Variants in TMEM45A observed in about 807,000 individuals in gnomAD.
The protein encoded by TMEM45A is DNA polymerase-transactivated protein 4.
TMEM45A carries 25 observed loss-of-function variants against 32.0 expected under a neutral mutation model. That is an observed-to-expected ratio of 0.78 (90% CI 0.57 to 1.09). The LOEUF is 1.09. TMEM45A is among the 50% of genes least tolerant of loss of function. The probability of loss-of-function intolerance (pLI) is 0.00; values close to 1 mark genes in which losing one functional copy is unlikely to be tolerated. For synonymous variants in TMEM45A, 122 were observed against 114.8 expected (o/e 1.06, Z -0.40); for missense variants, 302 against 325.0 (o/e 0.93, Z 0.54).
chr3:100,543,983 G>C (rs770519270), intron 1 of TMEM45A, among the ~76,000 whole-genome samples: 1 of 152,072 alleles, frequency 6.6e-6, no homozygotes, highest in Admixed American at 6.6e-5. Flanking sequence ...GATTAAAGGA[G>C]TTAAGATGAA....
chr3:100,527,049 C>G (rs1408294833), intron 1 of TMEM45A, among the ~76,000 whole-genome samples: 1 of 152,016 alleles, frequency 6.6e-6, no homozygotes, highest in Non-Finnish European at 1.5e-5. Context: ...AATATATATG[C>G]TTTTTGGGAC....
At chr3:100,503,313 C>T (rs1052956930) in intron 1 of TMEM45A, among the ~76,000 whole-genome samples, 5 of 152,130 alleles carry the variant, frequency 3.3e-5, no homozygotes, top group Non-Finnish European at 5.9e-5. Flanking sequence ...CTATGTTGGC[C>T]AGACTGGTCT....
At chr3:100,557,880 G>A (rs1706255416) in intron 3 of TMEM45A, among the ~76,000 whole-genome samples, 1 of 152,192 alleles carries the variant, frequency 6.6e-6, no homozygotes, top group African/African-American at 2.4e-5. Context: ...TCCAGAGCAT[G>A]TTGTTATATC....
intron 2 of TMEM45A, among the ~76,000 whole-genome samples, 158 bp from the exon 3 acceptor site, chr3:100,556,602 T>C (rs527295284): frequency 1.7e-3 from 253 of 152,282 alleles, no homozygotes; most frequent in Middle Eastern, 3.4e-3. Context: ...AAAAGAAGCC[T>C]AAAGTGCCAG....
Position 100,568,971 on chromosome 3 carries a change from A to C in TMEM45A, c.734+4A>C, listed in dbSNP as rs878908827. ...TGAATTATGCTTTCATTACCTGGTA[A>C]GTTAGCGATTTCTGTTAATGGAAGT... On this transcript the variant is annotated splice_donor_region_variant and intron_variant, in intron 5 of 5. Coordinates refer to ENST00000323523, the MANE Select transcript of TMEM45A (RefSeq NM_018004.3). The C allele has an allele frequency of 3.7e-6, 6 of 1,608,180 alleles. No homozygotes were observed. Among genetic ancestry groups the C allele is most frequent in the Non-Finnish European group, 5.1e-6 (6 of 1,175,298 alleles).
intron 1 of TMEM45A, among the ~76,000 whole-genome samples, chr3:100,510,581 C>T (rs183275605): frequency 1.2e-4 from 17 of 146,372 alleles, no homozygotes; most frequent in East Asian, 7.9e-4. Flanking sequence ...TCCAAAGGAA[C>T]GCACGCAGTT....
intron 1 of TMEM45A, among the ~76,000 whole-genome samples, chr3:100,535,966 G>T (rs1050262627): frequency 2.0e-5 from 3 of 152,136 alleles, no homozygotes; most frequent in Non-Finnish European, 4.4e-5. Context: ...TGACGTTAAG[G>T]GGATTTCACC....
chr3:100,508,321 C>G (rs1244421232), intron 1 of TMEM45A, among the ~76,000 whole-genome samples: 1 of 152,136 alleles, frequency 6.6e-6, no homozygotes. Context: ...AGAGCCCAGG[C>G]CCGACAAGAC....
chr3:100,550,203 A>AAG (rs938244499), intron 1 of TMEM45A, among the ~76,000 whole-genome samples: 1 of 122,964 alleles, frequency 8.1e-6, no homozygotes, highest in Non-Finnish European at 1.8e-5. Context: ...AATAAAAAAA[A>AAG]AAAAGAAAAA....
intron 1 of TMEM45A, among the ~76,000 whole-genome samples, chr3:100,548,920 C>T (rs907800135): frequency 3.9e-5 from 6 of 152,122 alleles, no homozygotes; most frequent in Non-Finnish European, 7.4e-5. Flanking sequence ...AACCCTGTGG[C>T]GATCTCTTTC....
chr3:100,535,692 T>A (rs571132253), intron 1 of TMEM45A, among the ~76,000 whole-genome samples: 1 of 152,338 alleles, frequency 6.6e-6, no homozygotes, highest in Non-Finnish European at 1.5e-5. Context: ...CTTGGCCTCA[T>A]ATATGCATAT....
intron 1 of TMEM45A, among the ~76,000 whole-genome samples, chr3:100,507,458 C>T (rs986046185): frequency 6.6e-5 from 10 of 152,226 alleles, no homozygotes; most frequent in East Asian, 1.9e-4. Context: ...TTACCTGCTC[C>T]GGGAGATGAG....
chr3:100,572,017 G>A (rs1400083590), intron 5 of TMEM45A: 1 of 152,154 alleles, frequency 6.6e-6, no homozygotes, highest in Non-Finnish European at 1.5e-5. Context: ...CATTTAGGTT[G>A]GTTCCAAGTC....
At chr3:100,558,329 C>A in intron 3 of TMEM45A, 76 bp from the exon 4 acceptor site, 1 of 1,560,340 alleles carries the variant, frequency 6.4e-7, no homozygotes, top group South Asian at 1.2e-5. Context: ...ATTCTGTCTA[C>A]GGAGAGAGGG....
intron 1 of TMEM45A, among the ~76,000 whole-genome samples, chr3:100,508,419 C>T (rs1278926518): frequency 1.3e-5 from 2 of 152,116 alleles, no homozygotes; most frequent in Admixed American, 1.3e-4. Flanking sequence ...CAGATGGTTG[C>T]AAAATACCAA....
intron 1 of TMEM45A, among the ~76,000 whole-genome samples, chr3:100,494,787 G>A (rs1033995738): frequency 2.6e-5 from 4 of 152,168 alleles, no homozygotes; most frequent in Non-Finnish European, 5.9e-5. Context: ...TCAATTTACA[G>A]CCCTACAACA....
intron 1 of TMEM45A, among the ~76,000 whole-genome samples, chr3:100,553,572 G>A (rs926248314): frequency 6.6e-6 from 1 of 152,128 alleles, no homozygotes; most frequent in Non-Finnish European, 1.5e-5. Flanking sequence ...GATCCCATAT[G>A]ATTGCCTAAA....
chr3:100,534,720 T>C (rs759109191), intron 1 of TMEM45A, among the ~76,000 whole-genome samples: 1 of 152,194 alleles, frequency 6.6e-6, no homozygotes, highest in Non-Finnish European at 1.5e-5. Context: ...CCAGGGGTAT[T>C]TGGTGCTGTA....
chr3:100,572,897 G>C (rs1416150592), intron 5 of TMEM45A: 5 of 149,284 alleles, frequency 3.3e-5, no homozygotes, highest in African/African-American at 1.2e-4. Flanking sequence ...GTTTGTCAAA[G>C]ATCAGATAGT....
Sources: allele counts gnomAD v4.1 joint callset (sites outside exome capture counted in the v4.1 genomes callset), GRCh38; gene constraint gnomAD v4.1.1; transcripts MANE v1.5; gene names NCBI Gene and HGNC (gene_info 2026-07-23, HGNC 2026-07-21).